MEAF6: variants seen among roughly 807,000 people sequenced by gnomAD.
MEAF6 encodes MYST/Esa1 associated factor 6, also known as chromatin modification-related protein MEAF6.
MEAF6 carries 15 observed loss-of-function variants against 28.9 expected under a neutral mutation model. The observed-to-expected ratio is 0.52, with a 90% CI of 0.35 to 0.80. The LOEUF (loss-of-function observed/expected upper bound fraction) is 0.80. Ranked by LOEUF, MEAF6 falls within the 30% of genes least tolerant of loss-of-function variation. The probability of loss-of-function intolerance (pLI) is 0.01; values close to 1 mark genes in which losing one functional copy is unlikely to be tolerated. For missense variants in MEAF6, 178 were observed against 237.5 expected (o/e 0.75, Z 1.65); for synonymous variants, 97 against 88.7 (o/e 1.09, Z -0.53).
chr1:37,499,584 G>C (rs928546484), intron 5 of MEAF6, among the ~76,000 whole-genome samples: 3 of 152,130 alleles, frequency 2.0e-5, no homozygotes, highest in African/African-American at 4.8e-5. Flanking sequence ...TCCTTTCTTG[G>C]GGCAGATGAG....
chr1:37,496,556 G>A (rs760092556), intron 5 of MEAF6: 13 of 1,411,946 alleles, frequency 9.2e-6, no homozygotes, highest in Admixed American at 3.0e-5. Flanking sequence ...CCTCCATCAC[G>A]TTTTTCTGTT....
intron 4 of MEAF6, among the ~76,000 whole-genome samples, chr1:37,502,703 C>G (rs2473624): frequency 0.77 from 115,794 of 150,338 alleles, 45,940 homozygotes; most frequent in East Asian, 0.95. Context: ...CAGCAGCCTT[C>G]AGTTCCTGGG....
chr1:37,499,997 A>G (rs1343937345), intron 5 of MEAF6, among the ~76,000 whole-genome samples: 1 of 152,228 alleles, frequency 6.6e-6, no homozygotes, highest in Non-Finnish European at 1.5e-5. Flanking sequence ...TGAAATAAGA[A>G]AATAATCACT....
chr1:37,513,760 A>C lies in MEAF6; in HGVS notation c.91-222T>G, dbSNP rs140846216. 371 of 574,746 alleles carry C rather than the reference A, an allele frequency of 6.5e-4. 3 individuals carry two copies. The highest frequency in any genetic ancestry group is 2.3e-3 in the Middle Eastern group (5 of 2,186). 35.6% of individuals were successfully genotyped at this position (574,746 alleles called of 1,614,324 possible). ...CTGAATGTATAAAGCATGTCTCCAGAAAAATACACACACACGCGAAATTTT... is the reference window on the plus strand; with the variant it reads ...CTGAATGTATAAAGCATGTCTCCAGCAAAATACACACACACGCGAAATTTT... On this transcript the variant is annotated intron_variant, in intron 1 of 6. Coordinates refer to ENST00000296214, the MANE Select transcript of MEAF6 (RefSeq NM_001270875.3).
chr1:37,493,803 G>C lies in MEAF6; in HGVS notation c.*296C>G, dbSNP rs1642020015. ...AAGCTGGTGCCAGCCAGTTTTGGGGGAGACATTCATTCTAAGAAGGGAGAA... is the reference window on the plus strand; with the variant it reads ...AAGCTGGTGCCAGCCAGTTTTGGGGCAGACATTCATTCTAAGAAGGGAGAA... On this transcript the variant is annotated 3_prime_UTR_variant, in exon 7 of 7. Transcript: ENST00000296214. 6.4e-7 allele frequency: 1 copy of C among 1,550,744 alleles called. No homozygotes were observed.
At chr1:37,500,512 A>G (rs1431260563) in intron 5 of MEAF6, among the ~76,000 whole-genome samples, 1 of 152,224 alleles carries the variant, frequency 6.6e-6, no homozygotes, top group Non-Finnish European at 1.5e-5. Context: ...GCTAATTCTT[A>G]CTACAGTTAT....
Position 37,493,834 on chromosome 1 carries a change from C to T in MEAF6, c.*265G>A. The T allele has an allele frequency of 1.3e-6, 2 of 1,548,858 alleles. No homozygotes were observed. The highest frequency in any genetic ancestry group is 1.2e-5 in the South Asian group (1 of 83,768). The stretch of plus-strand genomic sequence containing the variant: ...TTCATTCTAAGAAGGGAGAAACGCA[C>T]AGTTAGCAACTTGCTGGGATTACAA... On this transcript the variant is annotated 3_prime_UTR_variant, in exon 7 of 7. Transcript: ENST00000296214.
intron 4 of MEAF6, among the ~76,000 whole-genome samples, chr1:37,504,313 G>A (rs915041996): frequency 1.3e-5 from 2 of 150,684 alleles, no homozygotes; most frequent in African/African-American, 5.0e-5. Flanking sequence ...CCCAGTCTCA[G>A]ATATTTCTTT....
intron 5 of MEAF6, 75 bp downstream of exon 5, chr1:37,501,729 A>G: frequency 3.7e-6 from 5 of 1,339,818 alleles, no homozygotes; most frequent in Non-Finnish European, 5.0e-6. Flanking sequence ...GCAATCCTAA[A>G]GAGTTTTTAT....
At chr1:37,503,013 G>C (rs1259366131) in intron 4 of MEAF6, among the ~76,000 whole-genome samples, 1 of 152,062 alleles carries the variant, frequency 6.6e-6, no homozygotes, top group African/African-American at 2.4e-5. Context: ...TGTGATCATA[G>C]CTCATGGCAG....
chr1:37,508,055 T>C (rs1240604791), intron 4 of MEAF6, among the ~76,000 whole-genome samples: 4 of 152,128 alleles, frequency 2.6e-5, no homozygotes, highest in African/African-American at 9.7e-5. Context: ...ACAGGTCGTA[T>C]TTCAAGGTGA....
intron 2 of MEAF6, among the ~76,000 whole-genome samples, chr1:37,513,126 G>A (rs755256141): frequency 6.6e-6 from 1 of 152,184 alleles, no homozygotes; most frequent in African/African-American, 2.4e-5. Flanking sequence ...TGTGAGGGTA[G>A]AACTCATGAC....
chr1:37,512,166 T>C (rs1642691237), intron 2 of MEAF6, among the ~76,000 whole-genome samples: 1 of 151,858 alleles, frequency 6.6e-6, no homozygotes, highest in Non-Finnish European at 1.5e-5. Context: ...AGTAACTTCA[T>C]TGTGGTTACA....
intron 2 of MEAF6, among the ~76,000 whole-genome samples, chr1:37,510,077 A>ATTTTT (rs958473140): frequency 7.5e-6 from 1 of 133,342 alleles, no homozygotes; most frequent in East Asian, 2.2e-4. Flanking sequence ...GCGCCCAGAC[A>ATTTTT]TTTTTTTTTT....
chr1:37,509,250 G>C (rs755071050), intron 4 of MEAF6, 28 bp downstream of exon 4: 1 of 1,603,572 alleles, frequency 6.2e-7, no homozygotes, highest in Admixed American at 1.7e-5. Context: ...AAAATAAACT[G>C]ATGAGAAACA....
intron 2 of MEAF6, among the ~76,000 whole-genome samples, chr1:37,512,329 C>A (rs963157111): frequency 6.6e-6 from 1 of 152,076 alleles, no homozygotes; most frequent in African/African-American, 2.4e-5. Context: ...TGCCAACTCC[C>A]TATGAATCTA....
Position 37,502,563 on chromosome 1 carries a change from T to G in MEAF6, c.341-567A>C, listed in dbSNP as rs376421366. 5.9e-3 allele frequency among the ~76,000 whole-genome samples: 740 copies of G among 125,268 alleles called. 4 individuals are homozygous for G. The highest frequency in any genetic ancestry group is 0.018 in the African/African-American group (690 of 38,372). 82.2% of individuals were successfully genotyped at this position (125,268 alleles called of 152,430 possible). A position where few individuals can be genotyped will look rare whatever the true frequency, so the allele number is the denominator to read the frequency against. On this transcript the variant is annotated intron_variant, in intron 4 of 6. Transcript: ENST00000296214. ...TTTCCATTGTTTTTTCTTGTTTTTTTTTTGTTTGTTTGTTTAACCTTTAAG... is the reference window on the plus strand; with the variant it reads ...TTTCCATTGTTTTTTCTTGTTTTTTGTTTGTTTGTTTGTTTAACCTTTAAG...
Position 37,514,764 on chromosome 1 carries a change from G to T in MEAF6, c.-18C>A. On this transcript the variant is annotated 5_prime_UTR_variant, in exon 1 of 7. Coordinates refer to ENST00000296214, the MANE Select transcript of MEAF6 (RefSeq NM_001270875.3). ...ATCGCCATGTTGGGCTGAGGCGGGC[G>T]GCGGCGGCGCGAGGTTGGGGGCGGT... The T allele has an allele frequency of 2.1e-6, 3 of 1,435,846 alleles. No individual in the cohort carries two copies. Among genetic ancestry groups the T allele is most frequent in the East Asian group, 3.1e-5 (1 of 31,900 alleles). The allele number at this position is 1,435,846 out of a possible 1,614,324, so 88.9% of individuals were successfully genotyped here.
intron 4 of MEAF6, among the ~76,000 whole-genome samples, chr1:37,503,045 T>C (rs564003525): frequency 6.6e-6 from 1 of 152,072 alleles, no homozygotes; most frequent in East Asian, 1.9e-4. Context: ...TGGGTTCAAA[T>C]TATCCTCCCA....
Sources: gnomAD v4.1 joint callset for allele counts (sites outside exome capture counted in the v4.1 genomes callset) on GRCh38, gnomAD v4.1.1 for gene constraint, MANE v1.5 for transcripts, NCBI Gene and HGNC (gene_info 2026-07-23, HGNC 2026-07-21) for gene names.